The following SLC39A11 variants were observed in gnomAD, a reference collection of about 807,000 sequenced individuals.
SLC39A11 encodes solute carrier family 39 member 11, also known as zinc transporter ZIP11.
Under a neutral mutation model 36.1 loss-of-function variants are expected in SLC39A11, and 33 were observed. The ratio of observed to expected loss-of-function variants is 0.91; its 90% confidence interval spans 0.69 to 1.22. The LOEUF (loss-of-function observed/expected upper bound fraction) is 1.22. Ranked by LOEUF, SLC39A11 falls within the 50% of genes most tolerant of loss-of-function variation. SLC39A11 has a pLI of 0.00. For missense variants in SLC39A11, 432 were observed against 430.3 expected, an observed-to-expected ratio of 1.00 and a Z score of -0.03; for synonymous variants, 166 against 170.3, an observed-to-expected ratio of 0.97 and a Z score of 0.20.
Position 72,784,744 on chromosome 17 carries a change from C to A in SLC39A11, c.602-48025G>T, listed in dbSNP as rs186072932. Among the ~76,000 whole-genome samples the A allele has an allele frequency of 2.4e-3, 368 of 152,192 alleles. 3 individuals carry two copies. The highest frequency in any genetic ancestry group is 8.5e-3 in the African/African-American group (351 of 41,522). On this transcript the variant is annotated intron_variant, in intron 6 of 9. Coordinates refer to ENST00000255559, the MANE Select transcript of SLC39A11 (RefSeq NM_139177.4). Reference sequence around the variant, plus strand: ...TGTGATATGCCTGCTCCCCCTTCACCTTCTGCCATGATTATAAGCTTCCTG... The same window carrying A: ...TGTGATATGCCTGCTCCCCCTTCACATTCTGCCATGATTATAAGCTTCCTG...
chr17:72,996,962 C>G (rs924170229), intron 4 of SLC39A11, among the ~76,000 whole-genome samples: 6 of 152,102 alleles, frequency 3.9e-5, no homozygotes, highest in African/African-American at 1.4e-4. Context: ...TGGTCCAAGG[C>G]AGATGGCAGA....
intron 6 of SLC39A11, among the ~76,000 whole-genome samples, chr17:72,766,102 C>A (rs2075749142): frequency 6.6e-6 from 1 of 152,062 alleles, no homozygotes; most frequent in South Asian, 2.1e-4. Flanking sequence ...ATGTTCGTCC[C>A]TCTGTGAATC....
At chr17:73,067,787 T>A in intron 3 of SLC39A11, 2 of 1,211,076 alleles carry the variant, frequency 1.7e-6, no homozygotes, top group Admixed American at 3.7e-5. Context: ...TTAAGTCTCT[T>A]GCCACAAGCA....
chr17:73,048,483 C>T (rs971856916), intron 3 of SLC39A11, among the ~76,000 whole-genome samples: 3 of 152,176 alleles, frequency 2.0e-5, no homozygotes, highest in Non-Finnish European at 2.9e-5. Context: ...TTGTGAATAA[C>T]GCTGTGATGA....
chr17:73,016,899 A>G (rs1431545399), intron 4 of SLC39A11, among the ~76,000 whole-genome samples: 1 of 152,164 alleles, frequency 6.6e-6, no homozygotes, highest in Non-Finnish European at 1.5e-5. Context: ...GCAACACTCC[A>G]TTTATTATGA....
At chr17:72,928,421 G>A (rs1482392296) in intron 5 of SLC39A11, among the ~76,000 whole-genome samples, 1 of 152,154 alleles carries the variant, frequency 6.6e-6, no homozygotes, top group Non-Finnish European at 1.5e-5. Flanking sequence ...AGAAAACAAA[G>A]GGACCATCAG....
intron 7 of SLC39A11, among the ~76,000 whole-genome samples, chr17:72,716,014 T>C (rs1485885610): frequency 6.6e-6 from 1 of 152,132 alleles, no homozygotes; most frequent in East Asian, 1.9e-4. Context: ...ACCATCTTGA[T>C]CAATTTTTAA....
chr17:72,897,203 C>G (rs900179869), intron 5 of SLC39A11, among the ~76,000 whole-genome samples: 2 of 152,062 alleles, frequency 1.3e-5, no homozygotes, highest in African/African-American at 4.8e-5. Flanking sequence ...TGATGAAGGC[C>G]TGAACTGAGA....
chr17:73,081,680 C>CAT (rs1368050979), intron 3 of SLC39A11, among the ~76,000 whole-genome samples: 15 of 146,242 alleles, frequency 1.0e-4, no homozygotes, highest in South Asian at 8.7e-4. Flanking sequence ...CATATATATA[C>CAT]ACATATATGT....
chr17:72,723,083 T>C (rs1362592206), intron 7 of SLC39A11, among the ~76,000 whole-genome samples: 2 of 152,192 alleles, frequency 1.3e-5, no homozygotes, highest in Non-Finnish European at 2.9e-5. Context: ...ACGTCTTCAT[T>C]GTCCAACAAA....
chr17:72,775,163 C>T (rs2076091191), intron 6 of SLC39A11, among the ~76,000 whole-genome samples: 1 of 152,148 alleles, frequency 6.6e-6, no homozygotes, highest in Non-Finnish European at 1.5e-5. Flanking sequence ...CACTGTGACA[C>T]TCAGCTAACG....
chr17:72,929,529 C>G (rs1423457505), intron 5 of SLC39A11, among the ~76,000 whole-genome samples: 2 of 152,180 alleles, frequency 1.3e-5, no homozygotes, highest in Admixed American at 6.5e-5. Flanking sequence ...GGAGTCTACA[C>G]AGGCATCGCT....
chr17:72,902,809 C>T (rs2082459180), intron 5 of SLC39A11, among the ~76,000 whole-genome samples: 1 of 152,128 alleles, frequency 6.6e-6, no homozygotes, highest in Non-Finnish European at 1.5e-5. Flanking sequence ...ACCCCTCTGC[C>T]CAGGAGGAAC....
chr17:72,983,597 C>T (rs919604506), intron 4 of SLC39A11, among the ~76,000 whole-genome samples: 1 of 152,194 alleles, frequency 6.6e-6, no homozygotes. Context: ...ACAGAAAGCA[C>T]CTCTGGAAAA....
At chr17:72,789,386 GAGA>G (rs1428431390) in intron 6 of SLC39A11, among the ~76,000 whole-genome samples, 1 of 152,202 alleles carries the variant, frequency 6.6e-6, no homozygotes, top group Non-Finnish European at 1.5e-5. Context: ...TGCTATCATG[GAGA>G]AGAACAATGG....
chr17:72,928,553 G>A (rs551868175), intron 5 of SLC39A11, among the ~76,000 whole-genome samples: 17 of 152,256 alleles, frequency 1.1e-4, no homozygotes, highest in Admixed American at 2.0e-4. Context: ...GGAAAAAGTG[G>A]AGACTGAAAT....
At chr17:73,068,236 T>A in intron 3 of SLC39A11, 1 of 842,904 alleles carries the variant, frequency 1.2e-6, no homozygotes, top group South Asian at 1.7e-5. Flanking sequence ...GTCCTTCCCC[T>A]CCAGTAGCAC....
chr17:72,971,721 T>C (rs2087471558), intron 4 of SLC39A11, among the ~76,000 whole-genome samples: 1 of 141,552 alleles, frequency 7.1e-6, no homozygotes, highest in African/African-American at 2.5e-5. Flanking sequence ...GTTACTAGCA[T>C]ATGCAACCGG....
chr17:72,662,628 G>GAAGAAAGAGAGAAAGA (rs71152200), intron 7 of SLC39A11, among the ~76,000 whole-genome samples: 34,124 of 122,492 alleles, frequency 0.28, 5,912 homozygotes, highest in African/African-American at 0.49. Flanking sequence ...AGAAGAAAGA[G>GAAGAAAGAGAGAAAGA]AAGAAAGAGA....
Sources: allele counts gnomAD v4.1 joint callset (sites outside exome capture counted in the v4.1 genomes callset), GRCh38; gene constraint gnomAD v4.1.1; transcripts MANE v1.5; gene names NCBI Gene and HGNC (gene_info 2026-07-23, HGNC 2026-07-21).